PCDHGA2: variants seen among roughly 807,000 people sequenced by gnomAD.
The protein encoded by PCDHGA2 is protocadherin gamma subfamily A, 2.
Under a neutral mutation model 59.2 loss-of-function variants are expected in PCDHGA2, and 40 were observed. The ratio of observed to expected loss-of-function variants is 0.68; its 90% CI spans 0.52 to 0.88. The LOEUF is 0.88. Ranked by LOEUF, PCDHGA2 falls within the 40% of genes least tolerant of loss-of-function variation. The probability of loss-of-function intolerance (pLI) is 0.00; values close to 1 mark genes in which losing one functional copy is unlikely to be tolerated. For missense variants in PCDHGA2, 1,226 were observed against 1,204.0 expected (o/e 1.02, Z -0.27); for synonymous variants, 560 against 526.0 (o/e 1.06, Z -0.89).
intron 1 of PCDHGA2, among the ~76,000 whole-genome samples, chr5:141,348,889 G>C (rs1758199499): frequency 6.6e-6 from 1 of 152,096 alleles, no homozygotes; most frequent in Non-Finnish European, 1.5e-5. Context: ...ATCTCATTTG[G>C]TAATGCATTT....
At chr5:141,376,199 G>T in intron 1 of PCDHGA2, 3 of 1,614,162 alleles carry the variant, frequency 1.9e-6, no homozygotes, top group Non-Finnish European at 2.5e-6. Flanking sequence ...CGTCTTCCTG[G>T]CCTTCGTCAT....
chr5:141,366,429 T>C (rs1316802460), intron 1 of PCDHGA2: 2 of 1,614,110 alleles, frequency 1.2e-6, no homozygotes, highest in Admixed American at 3.3e-5. Context: ...GTGGCTGCAG[T>C]CTCCTGCGTC....
intron 2 of PCDHGA2, 84 bp downstream of exon 2, chr5:141,494,949 C>A (rs1193148622): frequency 6.2e-7 from 1 of 1,606,850 alleles, no homozygotes; most frequent in Non-Finnish European, 8.5e-7. Context: ...GAGGGCCCAG[C>A]ATTTGCTACA....
At chr5:141,414,148 G>C in intron 1 of PCDHGA2, 7 of 1,598,900 alleles carry the variant, frequency 4.4e-6, no homozygotes, top group Non-Finnish European at 6.0e-6. Flanking sequence ...AGAAATACAA[G>C]CAGAAGATGG....
At chr5:141,386,994 AT>A (rs1291262145) in intron 1 of PCDHGA2, among the ~76,000 whole-genome samples, 1 of 152,224 alleles carries the variant, frequency 6.6e-6, no homozygotes, top group Non-Finnish European at 1.5e-5. Flanking sequence ...GCTATGTATT[AT>A]CCCCCTGATA....
At chr5:141,413,763 G>A (rs964376306) in intron 1 of PCDHGA2, 6 of 1,612,814 alleles carry the variant, frequency 3.7e-6, no homozygotes, top group Non-Finnish European at 5.1e-6. Context: ...TCAAGTACCC[G>A]GAGCTGGTAC....
At chr5:141,404,320 C>T (rs577477279) in intron 1 of PCDHGA2, 8 of 1,613,920 alleles carry the variant, frequency 5.0e-6, no homozygotes, top group Admixed American at 1.7e-5. Flanking sequence ...CTCAAGCCTC[C>T]TACTCAGTCT....
At position 141,487,603 on chromosome 5, in the gene PCDHGA2, C is replaced by T; in HGVS notation, c.2425-7204C>T. The stretch of plus-strand genomic sequence containing the variant: ...CAAGCTGCCCACCCTCTGATCTTCT[C>T]TATGGGCTAGAGGTGAGACCTTTGC... On this transcript the variant is annotated intron_variant, in intron 1 of 3. Transcript: ENST00000394576. This position sits in a 1 kb window ranked among gnomAD's most constrained non-coding sequence, Gnocchi z 5.0. 1.2e-6 allele frequency: 2 copies of T among 1,614,214 alleles called. No individual in the cohort carries two copies. Among genetic ancestry groups the T allele is most frequent in the Non-Finnish European group, 1.7e-6 (2 of 1,180,042 alleles).
intron 1 of PCDHGA2, chr5:141,410,107 G>A: frequency 3.1e-6 from 5 of 1,612,702 alleles, no homozygotes; most frequent in Non-Finnish European, 4.2e-6. Flanking sequence ...TAGGCGACAG[G>A]GACGCAGCCC....
intron 1 of PCDHGA2, chr5:141,415,909 C>T: frequency 2.6e-6 from 2 of 761,032 alleles, no homozygotes; most frequent in Non-Finnish European, 3.7e-6. Context: ...GACTTCCATA[C>T]AGAAGTGCCT....
In PCDHGA2 at chr5:141,432,265, G is replaced by A. The variant is rs756993242; in HGVS notation, c.2425-62542G>A. On this transcript the variant is annotated intron_variant, in intron 1 of 3. Transcript: ENST00000394576. The surrounding 1 kb of genome is among the most constrained non-coding windows in gnomAD (Gnocchi z 6.0). ...ACACCATCCAAGGGGCAAGCCTATCGTCCTACGTGTCCATCAACTCCGACA... is the reference window on the plus strand; with the variant it reads ...ACACCATCCAAGGGGCAAGCCTATCATCCTACGTGTCCATCAACTCCGACA... 2.5e-6 allele frequency: 4 copies of A among 1,614,092 alleles called. No individual in the cohort carries two copies. The highest frequency in any genetic ancestry group is 1.7e-5 in the Admixed American group (1 of 60,004).
chr5:141,421,069 A>T, intron 1 of PCDHGA2: 1 of 598,532 alleles, frequency 1.7e-6, no homozygotes, highest in Non-Finnish European at 2.8e-6. Context: ...AAGCGGAATG[A>T]GATGGATACT....
chr5:141,397,995 C>T, intron 1 of PCDHGA2: 1 of 1,367,706 alleles, frequency 7.3e-7, no homozygotes, highest in Non-Finnish European at 9.8e-7. Flanking sequence ...CCGCTTCCTC[C>T]TCGGAAAAAG....
intron 1 of PCDHGA2, chr5:141,417,867 G>C (rs1182017096): frequency 1.9e-6 from 3 of 1,552,610 alleles, no homozygotes; most frequent in African/African-American, 2.7e-5. Flanking sequence ...ACGATGGGAG[G>C]GAGCTGCGCG....
chr5:141,351,565 C>T (rs777094926), intron 1 of PCDHGA2: 4 of 1,614,044 alleles, frequency 2.5e-6, no homozygotes, highest in African/African-American at 1.3e-5. Context: ...CAAGCATCAC[C>T]CTGCACATCT....
chr5:141,410,110 C>T, intron 1 of PCDHGA2: 4 of 1,612,540 alleles, frequency 2.5e-6, no homozygotes, highest in Non-Finnish European at 3.4e-6. Flanking sequence ...GCGACAGGGA[C>T]GCAGCCCGCC....
intron 1 of PCDHGA2, chr5:141,421,914 T>C: frequency 4.3e-6 from 7 of 1,613,742 alleles, no homozygotes; most frequent in Non-Finnish European, 5.9e-6. Flanking sequence ...CAGTTCCCAT[T>C]CGTGTGGTGG....
chr5:141,338,886 T>G lies in PCDHGA2; in HGVS notation c.-86T>G. 1 of 1,466,502 alleles carries G rather than the reference T, an allele frequency of 6.8e-7. No homozygotes were observed. Among genetic ancestry groups the G allele is most frequent in the South Asian group, 1.5e-5 (1 of 67,852 alleles). The allele number at this position is 1,466,502 out of a possible 1,614,324, so 90.8% of individuals were successfully genotyped here. On this transcript the variant is annotated 5_prime_UTR_variant, in exon 1 of 4. Coordinates refer to ENST00000394576, the MANE Select transcript of PCDHGA2 (RefSeq NM_018915.4). ...ATAGGGACCTGGGTCCCGTGAATGC[T>G]GGTTATCTCACACCCTGAGGAATAA...
intron 1 of PCDHGA2, among the ~76,000 whole-genome samples, chr5:141,462,382 C>T (rs80320684): frequency 0.016 from 2,433 of 152,148 alleles, 70 homozygotes; most frequent in African/African-American, 0.055. Flanking sequence ...CTTTTAAATT[C>T]GTTAACATTT....
Sources: allele counts gnomAD v4.1 joint callset (sites outside exome capture counted in the v4.1 genomes callset), GRCh38; gene constraint gnomAD v4.1.1; non-coding constraint Gnocchi (gnomAD v3.1); transcripts MANE v1.5; gene names NCBI Gene and HGNC (gene_info 2026-07-23, HGNC 2026-07-21).